MAST4: variants seen among roughly 807,000 people sequenced by gnomAD.
The protein encoded by MAST4 is microtubule associated serine/threonine kinase family member 4.
In MAST4, 89 loss-of-function variants were observed where a neutral mutation model predicts 162.7. That is an observed-to-expected ratio of 0.55 (90% CI 0.46 to 0.65). The LOEUF is 0.65. MAST4 is among the 30% of genes least tolerant of loss of function. The probability of loss-of-function intolerance (pLI) is 0.00; values close to 1 mark genes in which losing one functional copy is unlikely to be tolerated. For synonymous variants in MAST4, 1,479 were observed against 1,361.1 expected (o/e 1.09, Z -1.91); for missense variants, 3,153 against 3,374.0 (o/e 0.93, Z 1.62).
At chr5:66,879,359 C>CAT (rs1761534159) in intron 3 of MAST4, among the ~76,000 whole-genome samples, 1 of 137,400 alleles carries the variant, frequency 7.3e-6, no homozygotes, top group African/African-American at 2.9e-5. Context: ...CACACACACA[C>CAT]ACATATATAT....
rs1399308892 is a variant in MAST4 at position 67,165,612 on chromosome 5, A to T, written c.6433A>T (p.Ser2145Cys). 1 of 1,613,542 alleles carries T rather than the reference A, an allele frequency of 6.2e-7. No individual in the cohort carries two copies. The highest frequency in any genetic ancestry group is 1.6e-4 in the Middle Eastern group (1 of 6,062). ...PPPLTAKDLS[S>C]PAARQHCSSP... ...CCCTCTGACGGCCAAAGACCTGTCCAGCCCGGCTGCCAGGCAGCATTGCAG... is the reference window on the plus strand; with the variant it reads ...CCCTCTGACGGCCAAAGACCTGTCCTGCCCGGCTGCCAGGCAGCATTGCAG... Residue 2145 changes from serine (S) to cysteine (C), a missense_variant, in exon 29 of 29, where the codon AGC becomes TGC. This residue lies in a region of MAST4 where 1,644 missense variants were observed against 1,495.0 expected (regional missense o/e 1.10). Transcript: ENST00000403625.
At chr5:66,787,311 A>G (rs944188019) in intron 2 of MAST4, among the ~76,000 whole-genome samples, 1 of 152,220 alleles carries the variant, frequency 6.6e-6, no homozygotes, top group Non-Finnish European at 1.5e-5. Flanking sequence ...GGATTTCAAA[A>G]GAAGATCTAA....
chr5:67,065,394 G>A (rs1760112862), intron 5 of MAST4, among the ~76,000 whole-genome samples: 1 of 152,304 alleles, frequency 6.6e-6, no homozygotes, highest in South Asian at 2.1e-4. Flanking sequence ...ATTTGAGTTA[G>A]AAATCCTCAG....
At chr5:66,744,400 A>T (rs1752637256) in intron 1 of MAST4, among the ~76,000 whole-genome samples, 2 of 152,238 alleles carry the variant, frequency 1.3e-5, no homozygotes, top group African/African-American at 4.8e-5. Flanking sequence ...CATGAAATGA[A>T]TATTAATTTT....
chr5:66,621,197 T>C (rs1744054160), intron 1 of MAST4, among the ~76,000 whole-genome samples: 2 of 152,168 alleles, frequency 1.3e-5, no homozygotes, highest in Admixed American at 1.3e-4. Context: ...TCATGTTCAT[T>C]TGAGAGTAGA....
At chr5:66,802,354 G>A (rs947751521) in intron 3 of MAST4, among the ~76,000 whole-genome samples, 5 of 152,052 alleles carry the variant, frequency 3.3e-5, no homozygotes, top group African/African-American at 1.2e-4. Context: ...ATTTTAATAG[G>A]AATTTCATAT....
At chr5:66,798,572 C>T (rs919505225) in intron 3 of MAST4, among the ~76,000 whole-genome samples, 12 of 152,082 alleles carry the variant, frequency 7.9e-5, no homozygotes, top group Admixed American at 1.3e-4. Flanking sequence ...CTCTGGATGG[C>T]GTATGTTCTA....
At chr5:67,154,292 C>T (rs73102003) in intron 26 of MAST4, among the ~76,000 whole-genome samples, 6,774 of 152,120 alleles carry the variant, frequency 0.045, 367 homozygotes, top group African/African-American at 0.13. Flanking sequence ...TTTATAGCAG[C>T]GTTGTATTTT....
intron 4 of MAST4, among the ~76,000 whole-genome samples, chr5:66,920,475 T>A (rs1764459116): frequency 6.6e-6 from 1 of 152,198 alleles, no homozygotes; most frequent in Non-Finnish European, 1.5e-5. Context: ...GATTAACACT[T>A]GTTTCTTTTA....
rs1249023700 is a variant in MAST4, at chr5:67,166,550, G to T, written c.7371G>T (p.Lys2457Asn). ...TCCGATCCACGGCCCTCCCGGAAAA[G>T]TCTCTGAGCTGCTCCTCCAGCTTCC... ...SSFRSTALPE[K>N]SLSCSSSFPE... The change falls in exon 29 of 29, where the codon AAG becomes AAT. Residue 2457 changes from lysine (K) to asparagine (N), a missense_variant. Physicochemically the swap from Lys to Asn is moderately conservative, Grantham distance 94. This residue lies in a region of MAST4 where 1,644 missense variants were observed against 1,495.0 expected (regional missense o/e 1.10). Transcript: ENST00000403625. 3.7e-6 allele frequency: 6 copies of T among 1,607,438 alleles called. No individual in the cohort carries two copies. In the Admixed American group the frequency reaches 1.0e-4, roughly 27 times the overall value.
chr5:67,149,590 G>T lies in MAST4; in HGVS notation c.3295+1G>T. ...GCTCTTTCCCTCATGATCCCAGGAG[G>T]TAGAGAGATACTACTTGCATGAAAT... On this transcript the variant is annotated splice_donor_variant, in intron 24 of 28. Transcript: ENST00000403625. LOFTEE classifies it high-confidence loss of function. The T allele has an allele frequency of 6.2e-7, 1 of 1,613,278 alleles. No individual in the cohort carries two copies. The highest frequency in any genetic ancestry group is 8.5e-7 in the Non-Finnish European group (1 of 1,179,584).
chr5:66,913,622 T>C (rs1021447506), intron 4 of MAST4, among the ~76,000 whole-genome samples: 3 of 152,250 alleles, frequency 2.0e-5, no homozygotes, highest in African/African-American at 7.2e-5. Context: ...CTTGTGTTTT[T>C]ATTCTCTTTA....
chr5:67,147,396 A>G (rs936834394), intron 23 of MAST4, among the ~76,000 whole-genome samples: 1 of 152,246 alleles, frequency 6.6e-6, no homozygotes, highest in South Asian at 2.1e-4. Flanking sequence ...TTGGCAGAAA[A>G]GAAGCTCACG....
At chr5:66,752,077 T>C (rs1753212434) in intron 1 of MAST4, among the ~76,000 whole-genome samples, 1 of 152,122 alleles carries the variant, frequency 6.6e-6, no homozygotes, top group Admixed American at 6.5e-5. Context: ...TAAAATCCTT[T>C]ACAGACAAGC....
At position 66,752,245 on chromosome 5, in the gene MAST4, A is replaced by G. The variant is rs568797493; in HGVS notation, c.364-7464A>G. Among the ~76,000 whole-genome samples, 126 of 152,302 alleles carry G rather than the reference A, an allele frequency of 8.3e-4. 1 individual carries two copies. Among genetic ancestry groups the G allele is most frequent in the African/African-American group, 2.8e-3 (118 of 41,550 alleles). ...AAAGAAACTGCATCAACTAATGAGC[A>G]AAATAACCAGCTAACATCATAATGA... On this transcript the variant is annotated intron_variant, in intron 1 of 28. Transcript: ENST00000403625.
intron 3 of MAST4, among the ~76,000 whole-genome samples, chr5:66,793,129 C>T (rs1755495170): frequency 6.6e-6 from 1 of 152,176 alleles, no homozygotes; most frequent in South Asian, 2.1e-4. Context: ...TGCTAACTAC[C>T]TTCTCAAGGA....
rs532667207 is a variant in MAST4 at position 66,930,120 on chromosome 5, A to G, written c.674+30138A>G. On this transcript the variant is annotated intron_variant, in intron 4 of 28. Coordinates refer to ENST00000403625, the MANE Select transcript of MAST4 (RefSeq NM_001164664.2). ...AGACCTAAAGAACAATGGGTCTGCT[A>G]TGTGCCATGGTATCTTTTCCCCAAA... is the stretch of plus-strand genomic sequence containing the variant. Among the ~76,000 whole-genome samples, 10 of 152,312 alleles carry G rather than the reference A, an allele frequency of 6.6e-5. No individual in the cohort carries two copies. In the East Asian group the frequency reaches 1.9e-3, roughly 29 times the overall value.
intron 1 of MAST4, among the ~76,000 whole-genome samples, chr5:66,740,404 T>C (rs1290003372): frequency 6.6e-6 from 1 of 152,220 alleles, no homozygotes; most frequent in Non-Finnish European, 1.5e-5. Flanking sequence ...AATTCCTCCT[T>C]GTGGAATGCA....
chr5:66,783,682 A>G (rs1371482323), intron 2 of MAST4, among the ~76,000 whole-genome samples: 8 of 152,262 alleles, frequency 5.3e-5, no homozygotes, highest in Admixed American at 2.6e-4. Context: ...GATGGCCACA[A>G]ATAAAATGTA....
Sources: gnomAD v4.1 joint callset for allele counts (sites outside exome capture counted in the v4.1 genomes callset) on GRCh38, gnomAD v4.1.1 for gene constraint, gnomAD v4.1.1 regional missense constraint, MANE v1.5 for transcripts, NCBI Gene and HGNC (gene_info 2026-07-23, HGNC 2026-07-21) for gene names.